EGF: variants seen among roughly 807,000 people sequenced by gnomAD.
EGF encodes the protein epidermal growth factor.
EGF carries 95 observed loss-of-function variants against 143.8 expected under a neutral mutation model. The observed-to-expected ratio is 0.66, with a 90% CI of 0.56 to 0.78. EGF has a LOEUF of 0.78. Ranked by LOEUF, EGF falls within the 30% of genes least tolerant of loss-of-function variation. The pLI, the probability that EGF is intolerant of heterozygous loss-of-function variation, is 0.00. For synonymous variants in EGF, 510 were observed against 510.5 expected (o/e 1.00, Z 0.01); for missense variants, 1,320 against 1,470.9 (o/e 0.90, Z 1.68).
intron 22 of EGF, among the ~76,000 whole-genome samples, chr4:110,006,642 T>C (rs1387051370): frequency 6.6e-6 from 1 of 152,204 alleles, no homozygotes; most frequent in African/African-American, 2.4e-5. Context: ...AGGTTTTGAG[T>C]AGCAGGTTTA....
intron 1 of EGF, among the ~76,000 whole-genome samples, chr4:109,939,099 T>G (rs2125996328): frequency 6.6e-6 from 1 of 152,358 alleles, no homozygotes. Flanking sequence ...GTCTGCTGCC[T>G]TTTGTTCAGA....
At chr4:109,945,923 G>A (rs1383713727) in intron 5 of EGF, among the ~76,000 whole-genome samples, 1 of 152,168 alleles carries the variant, frequency 6.6e-6, no homozygotes, top group Admixed American at 6.5e-5. Flanking sequence ...TAGAGAGGGG[G>A]TACCTATTGT....
At chr4:109,927,106 AAGAT>A (rs776706707) in intron 1 of EGF, among the ~76,000 whole-genome samples, 81 of 152,368 alleles carry the variant, frequency 5.3e-4, no homozygotes, top group African/African-American at 3.6e-4. Flanking sequence ...AAAATCTAGA[AAGAT>A]AGAAATTTGC....
chr4:109,980,350 C>G (rs1328748861), intron 14 of EGF, among the ~76,000 whole-genome samples: 1 of 152,126 alleles, frequency 6.6e-6, no homozygotes, highest in Non-Finnish European at 1.5e-5. Flanking sequence ...CACCTCTTTT[C>G]TTGAACAACT....
chr4:109,920,758 G>A (rs1266320373), intron 1 of EGF, among the ~76,000 whole-genome samples: 1 of 151,696 alleles, frequency 6.6e-6, no homozygotes, highest in Non-Finnish European at 1.5e-5. Flanking sequence ...CTGACCATTG[G>A]AATGTAATTG....
intron 13 of EGF, among the ~76,000 whole-genome samples, chr4:109,976,446 T>C (rs1033521516): frequency 2.0e-5 from 3 of 152,182 alleles, no homozygotes; most frequent in African/African-American, 7.2e-5. Flanking sequence ...TTTCTCTTTC[T>C]GAGAAGTCCC....
chr4:109,950,944 T>G (rs1453971850), intron 5 of EGF, among the ~76,000 whole-genome samples: 1 of 152,092 alleles, frequency 6.6e-6, no homozygotes, highest in African/African-American at 2.4e-5. Flanking sequence ...TCCTTAGTCC[T>G]TAGAGGACAG....
At chr4:109,983,733 C>G (rs980727438) in intron 16 of EGF, among the ~76,000 whole-genome samples, 192 bp downstream of exon 16, 3 of 152,186 alleles carry the variant, frequency 2.0e-5, no homozygotes, top group African/African-American at 7.2e-5. Flanking sequence ...TTAGTCTGGA[C>G]ATAAACAGGA....
At chr4:109,963,923 A>G (rs535663949) in intron 9 of EGF, among the ~76,000 whole-genome samples, 29 of 152,168 alleles carry the variant, frequency 1.9e-4, no homozygotes, top group Non-Finnish European at 3.7e-4. Context: ...GCCTTCATTA[A>G]TATAGTGTAA....
rs61359801 is a variant in EGF, at chr4:109,950,670, C to T, written c.940+5395C>T. 8.2e-3 allele frequency among the ~76,000 whole-genome samples: 1,252 copies of T among 152,258 alleles called. 16 individuals are homozygous for T. The highest frequency in any genetic ancestry group is 0.029 in the African/African-American group (1,185 of 41,552). On this transcript the variant is annotated intron_variant, in intron 5 of 23. Transcript: ENST00000265171. ...CTGTTGCAACCATTCTCAAAGATGA[C>T]TTTCCTTTCATGAGGCACACTTGCT...
At chr4:109,982,452 C>T (rs1330431408) in intron 15 of EGF, among the ~76,000 whole-genome samples, 6 of 152,148 alleles carry the variant, frequency 3.9e-5, no homozygotes, top group Non-Finnish European at 7.4e-5. Context: ...CTCAGCCTCC[C>T]GAGTAGCTGG....
At position 109,987,668 on chromosome 4, in the gene EGF, G is replaced by A. The variant is rs1208390543; in HGVS notation, c.2492-76G>A. On this transcript the variant is annotated intron_variant, in intron 16 of 23. Transcript: ENST00000265171. ...GGGAAAGGAAGTGGTGGACTGTTCT[G>A]TAGAACCAGAAGATTAAAGTCCGTT... 1.5e-5 allele frequency: 18 copies of A among 1,229,646 alleles called. No individual in the cohort carries two copies. In the East Asian group the frequency reaches 4.2e-4, roughly 29 times the overall value. 76.2% of individuals were successfully genotyped at this position (1,229,646 alleles called of 1,614,324 possible).
Position 109,960,898 on chromosome 4 carries a change from C to T in EGF, c.1098C>T (p.Gly366=). 6.2e-7 allele frequency: 1 copy of T among 1,613,958 alleles called. No individual in the cohort carries two copies. The highest frequency in any genetic ancestry group is 1.7e-5 in the Admixed American group (1 of 60,000). The change falls in exon 7 of 24, where the codon GGC becomes GGT. Residue 366 remains glycine (G), a synonymous_variant. Transcript: ENST00000265171. The part of the protein sequence containing the change: ...DVNECAFWNH[G]CTLGCKNTPG... ...ATGAATGTGCTTTTTGGAATCATGG[C>T]TGTACTCTTGGGTGTAAAAACACCC...
chr4:110,011,318 C>A lies in EGF; in HGVS notation c.3487C>A (p.Arg1163=). ...GGGCTCCTGTCCCCAGGTAATGGAG[C>A]GAAGCTTTCATATGCCCTCCTATGG... ...DKGSCPQVME[R]SFHMPSYGTQ... is the part of the protein sequence containing the mutation. Residue 1163 remains arginine (R), a synonymous_variant, in exon 24 of 24, where the codon CGA becomes AGA. Coordinates refer to ENST00000265171, the MANE Select transcript of EGF (RefSeq NM_001963.6). The A allele has an allele frequency of 6.2e-7, 1 of 1,614,100 alleles. No individual in the cohort carries two copies. Among genetic ancestry groups the A allele is most frequent in the Non-Finnish European group, 8.5e-7 (1 of 1,180,008 alleles).
rs11568898 is a variant in EGF at position 109,943,567 on chromosome 4, G to A, written c.509+132G>A. On this transcript the variant is annotated intron_variant, in intron 3 of 23. Transcript: ENST00000265171. ...CCCTCTTTTGCAGCACACAGGCACC[G>A]TTTTCTATAGGACAGTTGCCTGCAT... 7,286 of 976,604 alleles carry A rather than the reference G, an allele frequency of 7.5e-3. 372 individuals are homozygous for A. In the African/African-American group the frequency reaches 0.1, roughly 14 times the overall value. 60.5% of individuals were successfully genotyped at this position (976,604 alleles called of 1,614,324 possible).
chr4:109,942,202 T>C lies in EGF; in HGVS notation c.328-1052T>C, dbSNP rs565666435. Reference sequence around the variant, plus strand: ...AAGAACATGGAAAAACTTAAAATAGTTGTGAATTTATATCAAGCCATTAGG... The same window carrying C: ...AAGAACATGGAAAAACTTAAAATAGCTGTGAATTTATATCAAGCCATTAGG... On this transcript the variant is annotated intron_variant, in intron 2 of 23. Transcript: ENST00000265171. 6.0e-4 allele frequency among the ~76,000 whole-genome samples: 92 copies of C among 152,310 alleles called. 1 individual carries two copies. The South Asian group carries it at 0.018, about 29-fold the overall frequency.
chr4:109,944,124 T>TG, intron 4 of EGF, 55 bp downstream of exon 4: 3 of 1,543,166 alleles, frequency 1.9e-6, no homozygotes, highest in Non-Finnish European at 2.7e-6. Flanking sequence ...GTCCACAAGA[T>TG]AAATTAATTT....
intron 13 of EGF, 145 bp from the exon 14 acceptor site, chr4:109,979,827 A>G: frequency 1.2e-6 from 1 of 860,826 alleles, no homozygotes; most frequent in South Asian, 1.7e-5. Flanking sequence ...CAGGTGTGTG[A>G]GTCGGTGGCT....
At chr4:109,970,582 T>A (rs1747401647) in intron 11 of EGF, among the ~76,000 whole-genome samples, 3 of 152,104 alleles carry the variant, frequency 2.0e-5, no homozygotes. Context: ...GTTGATGTGC[T>A]TTGGGAGGCC....
Sources: allele counts gnomAD v4.1 joint callset (sites outside exome capture counted in the v4.1 genomes callset), GRCh38; gene constraint gnomAD v4.1.1; transcripts MANE v1.5; gene names NCBI Gene and HGNC (gene_info 2026-07-23, HGNC 2026-07-21).